IARS1: variants seen among roughly 807,000 people sequenced by gnomAD.
IARS1 encodes isoleucyl-tRNA synthetase 1, also known as isoleucine--tRNA ligase, cytoplasmic.
IARS1 carries 124 observed loss-of-function variants against 168.2 expected under a neutral mutation model. The observed-to-expected ratio is 0.74, with a 90% CI of 0.64 to 0.86. The LOEUF is 0.86. Ranked by LOEUF, IARS1 falls within the 40% of genes least tolerant of loss-of-function variation. IARS1 has a pLI of 0.00. For missense variants in IARS1, 1,452 were observed against 1,515.8 expected (o/e 0.96, Z 0.70); for synonymous variants, 532 against 529.4 (o/e 1.00, Z -0.07).
At chr9:92,247,618 G>A (rs1283587629) in intron 25 of IARS1, 67 bp from the exon 26 acceptor site, 4 of 1,389,024 alleles carry the variant, frequency 2.9e-6, no homozygotes, top group Middle Eastern at 4.8e-4. Flanking sequence ...AAAAATGTAG[G>A]TCCACAGCAG....
rs939015484 is a variant in IARS1 at position 92,282,026 on chromosome 9, A to G, written c.598-1133T>C. On this transcript the variant is annotated intron_variant, in intron 6 of 33. Transcript: ENST00000443024. ...ACACTGCTGGGACAAGCAGAACCCA[A>G]TAAGATCTACACATGAGGTAATACA... Among the ~76,000 whole-genome samples, 5 of 107,718 alleles carry G rather than the reference A, an allele frequency of 4.6e-5. 1 individual carries two copies. The highest frequency in any genetic ancestry group is 0.01 in the Middle Eastern group (2 of 198). The allele number at this position is 107,718 out of a possible 152,430, so 70.7% of individuals were successfully genotyped here. A position where few individuals can be genotyped will look rare whatever the true frequency, so the allele number is the denominator to read the frequency against.
intron 20 of IARS1, among the ~76,000 whole-genome samples, chr9:92,256,005 C>T (rs867216806): frequency 1.3e-5 from 2 of 151,420 alleles, no homozygotes; most frequent in South Asian, 2.1e-4. Context: ...TAAATATATA[C>T]ATCTACTATG....
At chr9:92,260,962 A>C (rs530830906) in intron 17 of IARS1, among the ~76,000 whole-genome samples, 1 of 152,268 alleles carries the variant, frequency 6.6e-6, no homozygotes, top group South Asian at 2.1e-4. Flanking sequence ...CATGGAAAGG[A>C]AGGAACTATT....
At chr9:92,219,092 G>C (rs1839254024) in intron 33 of IARS1, among the ~76,000 whole-genome samples, 1 of 152,106 alleles carries the variant, frequency 6.6e-6, no homozygotes, top group African/African-American at 2.4e-5. Context: ...CAATGGAACA[G>C]AACAGAGCCC....
intron 17 of IARS1, among the ~76,000 whole-genome samples, chr9:92,262,331 C>A (rs1306776061): frequency 6.6e-6 from 1 of 152,168 alleles, no homozygotes; most frequent in Admixed American, 6.5e-5. Context: ...TTCCTCCTCA[C>A]ACAGCATATA....
chr9:92,285,893 G>T, intron 5 of IARS1, 54 bp from the exon 6 acceptor site: 1 of 1,036,012 alleles, frequency 9.7e-7, no homozygotes, highest in Non-Finnish European at 1.5e-6. Flanking sequence ...TTCTGAAAAT[G>T]CAAACATTTA....
Position 92,263,074 on chromosome 9 carries a change from C to G in IARS1, c.1701-19G>C. The G allele has an allele frequency of 6.4e-7, 1 of 1,559,582 alleles. No individual in the cohort carries two copies. Among genetic ancestry groups the G allele is most frequent in the Non-Finnish European group, 8.8e-7 (1 of 1,131,654 alleles). The stretch of plus-strand genomic sequence containing the variant: ...ATAAAACCTGAAAAAAAACCCCAAA[C>G]AGTTCAATAAAAATAGAAATGAAGT... On this transcript the variant is annotated intron_variant, in intron 16 of 33. Transcript: ENST00000443024.
intron 14 of IARS1, among the ~76,000 whole-genome samples, 166 bp from the exon 15 acceptor site, chr9:92,265,719 A>G (rs80173221): frequency 0.035 from 5,394 of 152,004 alleles, 129 homozygotes; most frequent in South Asian, 0.082. Context: ...GTGCAGTGGC[A>G]CAATCACAGC....
intron 14 of IARS1, among the ~76,000 whole-genome samples, chr9:92,266,367 G>C (rs550321750): frequency 6.6e-6 from 1 of 152,260 alleles, no homozygotes; most frequent in South Asian, 2.1e-4. Context: ...GCATTGTTAG[G>C]GTGATTTCCT....
At chr9:92,276,062 C>T (rs573420295) in intron 9 of IARS1, among the ~76,000 whole-genome samples, 3 of 151,976 alleles carry the variant, frequency 2.0e-5, no homozygotes, top group East Asian at 3.9e-4. Flanking sequence ...AGTCACTGAT[C>T]CAGTGGAAGA....
At chr9:92,282,137 A>G (rs1197155948) in intron 6 of IARS1, among the ~76,000 whole-genome samples, 1 of 152,134 alleles carries the variant, frequency 6.6e-6, no homozygotes, top group East Asian at 1.9e-4. Flanking sequence ...GAAAAGGGCC[A>G]TAATTCCTGC....
chr9:92,278,668 A>C (rs1203032044), intron 7 of IARS1, among the ~76,000 whole-genome samples: 1 of 152,114 alleles, frequency 6.6e-6, no homozygotes, highest in African/African-American at 2.4e-5. Context: ...ATGGATCCGG[A>C]TATTTTTCTA....
intron 3 of IARS1, 34 bp downstream of exon 3, chr9:92,288,092 T>C: frequency 6.3e-7 from 1 of 1,588,396 alleles, no homozygotes; most frequent in Admixed American, 1.9e-5. Flanking sequence ...ATAAAAAAAA[T>C]CAGAAAATTA....
chr9:92,270,655 TGTGATGGCACCACCTACATA>T (rs1165729344), intron 12 of IARS1, among the ~76,000 whole-genome samples: 1 of 151,832 alleles, frequency 6.6e-6, no homozygotes, highest in Non-Finnish European at 1.5e-5. Flanking sequence ...ATCAGCCGGG[TGTGATGGCACCACCTACATA>T]GTTCCAGCTA....
At chr9:92,260,624 T>C (rs1245349703) in intron 17 of IARS1, among the ~76,000 whole-genome samples, 2 of 152,010 alleles carry the variant, frequency 1.3e-5, no homozygotes, top group African/African-American at 4.8e-5. Context: ...CACTACACTC[T>C]AGCCTGGGCA....
chr9:92,283,908 C>T (rs1025235578), intron 6 of IARS1, among the ~76,000 whole-genome samples: 13 of 152,266 alleles, frequency 8.5e-5, no homozygotes, highest in African/African-American at 3.1e-4. Flanking sequence ...TGGCTAGGTG[C>T]AGTGGCTGAC....
At position 92,229,146 on chromosome 9, in the gene IARS1, A is replaced by G. The variant is rs1389223697; in HGVS notation, c.3284-20T>C. Reference sequence around the variant, plus strand: ...CTCCACCTAAAAAGCCACAAAAATAACACCTCAATCAGACAAATAAAACTA... The same window carrying G: ...CTCCACCTAAAAAGCCACAAAAATAGCACCTCAATCAGACAAATAAAACTA... On this transcript the variant is annotated intron_variant, in intron 30 of 33. Coordinates refer to ENST00000443024, the MANE Select transcript of IARS1 (RefSeq NM_002161.6). The G allele has an allele frequency of 6.8e-6, 11 of 1,610,186 alleles. No homozygotes were observed. Among genetic ancestry groups the G allele is most frequent in the Non-Finnish European group, 7.6e-6 (9 of 1,177,970 alleles).
intron 21 of IARS1, 59 bp from the exon 22 acceptor site, chr9:92,251,944 A>C: frequency 8.1e-7 from 1 of 1,233,060 alleles, no homozygotes; most frequent in East Asian, 2.4e-5. Flanking sequence ...TATCATTAAA[A>C]AAATAAGTTT....
intron 33 of IARS1, among the ~76,000 whole-genome samples, chr9:92,211,905 C>T (rs1158797286): frequency 6.6e-6 from 1 of 151,942 alleles, no homozygotes; most frequent in Non-Finnish European, 1.5e-5. Flanking sequence ...TGGCCAATGA[C>T]GAAAACTCTG....
Sources: gnomAD v4.1 joint callset for allele counts (sites outside exome capture counted in the v4.1 genomes callset) on GRCh38, gnomAD v4.1.1 for gene constraint, MANE v1.5 for transcripts, NCBI Gene and HGNC (gene_info 2026-07-23, HGNC 2026-07-21) for gene names.